Variants in CAV1 observed in about 807,000 individuals in gnomAD.
CAV1 encodes caveolin 1, also known as caveolin-1.
A neutral mutation model predicts 16.5 loss-of-function variants in CAV1; 10 were observed. The observed-to-expected ratio is 0.61, with a 90% CI of 0.37 to 1.03. The LOEUF (loss-of-function observed/expected upper bound fraction) is 1.03. Ranked by LOEUF, CAV1 falls within the 50% of genes least tolerant of loss-of-function variation. The pLI is 0.01. For missense variants in CAV1, 212 were observed against 232.8 expected, an observed-to-expected ratio of 0.91 and a Z score of 0.58; for synonymous variants, 76 against 85.1, an observed-to-expected ratio of 0.89 and a Z score of 0.59.
In CAV1 at chr7:116,559,051, C is replaced by T. The variant is rs765859286; in HGVS notation, c.301C>T (p.Arg101Cys). ...CACTGTGACGAAATACTGGTTTTAC[C>T]GCTTGCTGTCTGCCCTCTTTGGCAT... is the stretch of plus-strand genomic sequence containing the variant. ...TFTVTKYWFY[R>C]LLSALFGIPM... The change falls in exon 3 of 3, where the codon CGC becomes TGC. Residue 101 changes from arginine to cysteine, a missense_variant. Coordinates refer to ENST00000341049, the MANE Select transcript of CAV1 (RefSeq NM_001753.5). 2.0e-5 allele frequency: 33 copies of T among 1,613,692 alleles called. No homozygotes were observed. Among genetic ancestry groups the T allele is most frequent in the South Asian group, 1.1e-4 (10 of 91,078 alleles).
At chr7:116,555,372 A>C (rs1794238557) in intron 2 of CAV1, among the ~76,000 whole-genome samples, 1 of 150,506 alleles carries the variant, frequency 6.6e-6, no homozygotes, top group African/African-American at 2.5e-5. Context: ...CCAGGAGGTC[A>C]AGGCTGCAGT....
intron 2 of CAV1, 106 bp from the exon 3 acceptor site, chr7:116,558,840 G>A (rs932890878): frequency 4.0e-5 from 33 of 834,166 alleles, no homozygotes; most frequent in South Asian, 2.2e-4. Context: ...CACAAAGAAC[G>A]AACTCATAAA....
At chr7:116,553,200 C>T (rs1275701607) in intron 2 of CAV1, among the ~76,000 whole-genome samples, 1 of 152,090 alleles carries the variant, frequency 6.6e-6, no homozygotes, top group Non-Finnish European at 1.5e-5. Flanking sequence ...ATCCTGTGCA[C>T]ATGTAAACTG....
chr7:116,536,427 A>T (rs1249359164), intron 2 of CAV1, among the ~76,000 whole-genome samples: 1 of 152,222 alleles, frequency 6.6e-6, no homozygotes, highest in Non-Finnish European at 1.5e-5. Context: ...GAGTGAGGTC[A>T]TGTAATCAAA....
At chr7:116,531,964 G>A (rs952284904) in intron 2 of CAV1, among the ~76,000 whole-genome samples, 9 of 152,182 alleles carry the variant, frequency 5.9e-5, no homozygotes, top group Non-Finnish European at 4.4e-5. Context: ...TCATTCTTAA[G>A]CATATGAAAT....
chr7:116,525,656 TCCCC>T lies in CAV1; in HGVS notation c.30+565_30+568del. ...TGTTCCGAGAGAGGTAGACCTCCCC[TCCCC>T]AAACTGCCACCATCACTTCCAACGC... On this transcript the variant is annotated intron_variant, in intron 1 of 2. Transcript: ENST00000341049. 7 of 1,084,114 alleles carry T rather than the reference TCCCC, an allele frequency of 6.5e-6. No homozygotes were observed. In the South Asian group the frequency reaches 8.8e-5, roughly 14 times the overall value. The allele number at this position is 1,084,114 out of a possible 1,614,324, so 67.2% of individuals were successfully genotyped here.
At chr7:116,552,538 G>T (rs562954382) in intron 2 of CAV1, among the ~76,000 whole-genome samples, 10 of 152,316 alleles carry the variant, frequency 6.6e-5, no homozygotes, top group Middle Eastern at 3.4e-3. Flanking sequence ...ATAAGCAAAA[G>T]TCTAGGGGTG....
Position 116,525,058 on chromosome 7 carries a change from C to T in CAV1, c.-5C>T. 1 of 1,614,200 alleles carries T rather than the reference C, an allele frequency of 6.2e-7. No individual in the cohort carries two copies. Among genetic ancestry groups the T allele is most frequent in the Non-Finnish European group, 8.5e-7 (1 of 1,180,014 alleles). On this transcript the variant is annotated 5_prime_UTR_variant, in exon 1 of 3. Coordinates refer to ENST00000341049, the MANE Select transcript of CAV1 (RefSeq NM_001753.5). ...CTCACAGTTTTCATCCAGCCACGGG[C>T]CAGCATGTCTGGGGGCAAATACGTA... is the stretch of plus-strand genomic sequence containing the variant.
At chr7:116,555,479 G>A (rs1192032444) in intron 2 of CAV1, among the ~76,000 whole-genome samples, 14 of 19,218 alleles carry the variant, frequency 7.3e-4, no homozygotes, top group African/African-American at 2.0e-3. Flanking sequence ...AAGGAAGGAG[G>A]AAAGAAAAGA....
chr7:116,526,954 C>T (rs573937649), intron 2 of CAV1: 2 of 522,528 alleles, frequency 3.8e-6, no homozygotes, highest in South Asian at 4.0e-5. Flanking sequence ...GTTCCTATAA[C>T]TACACTTTTA....
At chr7:116,542,264 C>T (rs949214507) in intron 2 of CAV1, among the ~76,000 whole-genome samples, 4 of 151,838 alleles carry the variant, frequency 2.6e-5, no homozygotes, top group African/African-American at 7.3e-5. Flanking sequence ...GTGGTCTCTG[C>T]GAAAGCTGGC....
At chr7:116,535,168 G>A (rs1269493545) in intron 2 of CAV1, among the ~76,000 whole-genome samples, 1 of 152,082 alleles carries the variant, frequency 6.6e-6, no homozygotes, top group Non-Finnish European at 1.5e-5. Flanking sequence ...CCCATTTGGA[G>A]GAAAAAAACA....
In CAV1 at chr7:116,525,087, T is replaced by G; in HGVS notation, c.25T>G (p.Ser9Ala). The G allele has an allele frequency of 6.2e-7, 1 of 1,614,076 alleles. No homozygotes were observed. Among genetic ancestry groups the G allele is most frequent in the Non-Finnish European group, 8.5e-7 (1 of 1,180,016 alleles). MSGGKYVD[S>A]EGHLYTVPIR... is the part of the protein sequence containing the mutation. ...CATGTCTGGGGGCAAATACGTAGAC[T>G]CGGAGGTAGGCATCCGTGGGGGGGC... Residue 9 changes from serine (S) to alanine (A), a missense_variant, in exon 1 of 3, where the codon TCG becomes GCG. Ser to Ala is a moderately conservative substitution (Grantham distance 99, BLOSUM62 1). Coordinates refer to ENST00000341049, the MANE Select transcript of CAV1 (RefSeq NM_001753.5).
chr7:116,553,752 G>A (rs1161915637), intron 2 of CAV1, among the ~76,000 whole-genome samples: 1 of 152,094 alleles, frequency 6.6e-6, no homozygotes, highest in African/African-American at 2.4e-5. Flanking sequence ...CAGTCCCCTA[G>A]GAAACGGGAC....
At chr7:116,534,389 A>ATTTTTTT (rs1309115810) in intron 2 of CAV1, among the ~76,000 whole-genome samples, 3 of 8,980 alleles carry the variant, frequency 3.3e-4, no homozygotes, top group African/African-American at 6.0e-4. Flanking sequence ...ATATATATAT[A>ATTTTTTT]TATATATTTT....
At chr7:116,536,511 C>G (rs1159496019) in intron 2 of CAV1, among the ~76,000 whole-genome samples, 1 of 152,178 alleles carries the variant, frequency 6.6e-6, no homozygotes, top group East Asian at 1.9e-4. Context: ...TTACCAGGAA[C>G]AGGGTCCCAG....
intron 2 of CAV1, among the ~76,000 whole-genome samples, chr7:116,532,162 AT>A (rs1459647916): frequency 4.6e-5 from 7 of 152,204 alleles, no homozygotes; most frequent in African/African-American, 1.7e-4. Flanking sequence ...ATGATGTGGG[AT>A]ATTCTTTCAG....
intron 2 of CAV1, among the ~76,000 whole-genome samples, chr7:116,553,331 T>C (rs1295018818): frequency 6.6e-6 from 1 of 151,972 alleles, no homozygotes; most frequent in Non-Finnish European, 1.5e-5. Flanking sequence ...TGCTGCTTGA[T>C]TTGTGTTAAC....
chr7:116,543,815 C>T (rs1324561893), intron 2 of CAV1, among the ~76,000 whole-genome samples: 2 of 152,086 alleles, frequency 1.3e-5, no homozygotes, highest in Admixed American at 6.6e-5. Flanking sequence ...CCATTTCTAT[C>T]GTTTGTTTTG....
Sources: allele counts gnomAD v4.1 joint callset (sites outside exome capture counted in the v4.1 genomes callset), GRCh38; gene constraint gnomAD v4.1.1; transcripts MANE v1.5; gene names NCBI Gene and HGNC (gene_info 2026-07-23, HGNC 2026-07-21).